Variants in TTBK2 observed in about 807,000 individuals in gnomAD.
The protein encoded by TTBK2 is tau-tubulin kinase 2.
Under a neutral mutation model 110.8 loss-of-function variants are expected in TTBK2, and 28 were observed. The ratio of observed to expected loss-of-function variants is 0.25; its 90% CI spans 0.19 to 0.35. The LOEUF is 0.35. TTBK2 is among the 10% of genes least tolerant of loss of function. The pLI is 1.00. For synonymous variants in TTBK2, 532 were observed against 527.3 expected (o/e 1.01, Z -0.12); for missense variants, 1,369 against 1,500.3 (o/e 0.91, Z 1.45).
intron 7 of TTBK2, among the ~76,000 whole-genome samples, chr15:42,816,081 A>ATATATATATATAT: frequency 1.7e-5 from 1 of 60,292 alleles, no homozygotes; most frequent in Middle Eastern, 7.0e-3. Context: ...AAAATAAATA[A>ATATATATATATAT]ATAAATATAT....
intron 13 of TTBK2, among the ~76,000 whole-genome samples, chr15:42,767,586 C>A (rs1889442586): frequency 1.3e-5 from 2 of 152,140 alleles, no homozygotes; most frequent in Admixed American, 6.5e-5. Flanking sequence ...TCTGAGTAGA[C>A]CAATAACAGG....
At chr15:42,798,045 A>G (rs1479360993) in intron 9 of TTBK2, among the ~76,000 whole-genome samples, 1 of 151,978 alleles carries the variant, frequency 6.6e-6, no homozygotes, top group Non-Finnish European at 1.5e-5. Context: ...CACCATGCCC[A>G]GCTAATTTTT....
intron 3 of TTBK2, among the ~76,000 whole-genome samples, chr15:42,868,205 T>C (rs55805543): frequency 0.14 from 20,781 of 152,138 alleles, 1,533 homozygotes; most frequent in African/African-American, 0.19. Context: ...CAACTTACAA[T>C]TTTTCAACTT....
At chr15:42,780,889 G>A (rs1192296142) in intron 11 of TTBK2, among the ~76,000 whole-genome samples, 2 of 152,052 alleles carry the variant, frequency 1.3e-5, no homozygotes, top group Non-Finnish European at 2.9e-5. Flanking sequence ...ACTTGAACCC[G>A]GGAGGCAGAG....
At chr15:42,828,337 A>C (rs1263871595) in intron 5 of TTBK2, among the ~76,000 whole-genome samples, 1 of 151,900 alleles carries the variant, frequency 6.6e-6, no homozygotes, top group East Asian at 1.9e-4. Flanking sequence ...TAATGCTTAA[A>C]TGACAGCCCA....
rs759406457 is a variant in TTBK2 at position 42,827,922 on chromosome 15, T to C, written c.537+6A>G. On this transcript the variant is annotated splice_donor_region_variant and intron_variant, in intron 6 of 14. Coordinates refer to ENST00000267890, the MANE Select transcript of TTBK2 (RefSeq NM_173500.4). ...AAATATTTGATAATAATATGAAAAA[T>C]CTTACTGGTCTGACGTCACCACAGG... is the stretch of plus-strand genomic sequence containing the variant. The C allele has an allele frequency of 1.9e-6, 3 of 1,609,466 alleles. No homozygotes were observed. The highest frequency in any genetic ancestry group is 1.1e-5 in the South Asian group (1 of 90,688).
At chr15:42,830,674 A>G (rs1221408349) in intron 4 of TTBK2, among the ~76,000 whole-genome samples, 1 of 151,374 alleles carries the variant, frequency 6.6e-6, no homozygotes, top group African/African-American at 2.4e-5. Flanking sequence ...AATCAAATAT[A>G]TAATTTATAT....
chr15:42,873,491 C>A (rs1456874945), intron 2 of TTBK2, among the ~76,000 whole-genome samples: 1 of 151,960 alleles, frequency 6.6e-6, no homozygotes. Flanking sequence ...CCACCACTTA[C>A]CATTCTCTCT....
intron 9 of TTBK2, chr15:42,802,306 C>T (rs1361224656): frequency 1.3e-6 from 1 of 782,946 alleles, no homozygotes; most frequent in East Asian, 2.4e-5. Context: ...GCTCGAGGAG[C>T]TGATGCAGGC....
intron 14 of TTBK2, among the ~76,000 whole-genome samples, chr15:42,751,513 GATC>G (rs948263984): frequency 3.9e-5 from 6 of 152,336 alleles, no homozygotes; most frequent in African/African-American, 1.4e-4. Flanking sequence ...AAGGCAGGTG[GATC>G]ACTTGGGGCC....
intron 13 of TTBK2, among the ~76,000 whole-genome samples, chr15:42,772,919 AAACAAC>A (rs554385514): frequency 1.3e-5 from 2 of 151,914 alleles, no homozygotes; most frequent in East Asian, 1.9e-4. Flanking sequence ...TGTCTCTACA[AAACAAC>A]AACAACAACA....
At chr15:42,862,478 C>T (rs1224495880) in intron 3 of TTBK2, among the ~76,000 whole-genome samples, 1 of 152,070 alleles carries the variant, frequency 6.6e-6, no homozygotes, top group East Asian at 1.9e-4. Context: ...GAATTAAAAA[C>T]AAAAACCATA....
At chr15:42,760,864 A>C (rs2062015993) in intron 13 of TTBK2, among the ~76,000 whole-genome samples, 1 of 152,208 alleles carries the variant, frequency 6.6e-6, no homozygotes, top group South Asian at 2.1e-4. Flanking sequence ...TATCTAAAGC[A>C]ATCCTAAGCA....
chr15:42,801,497 TCA>T, intron 9 of TTBK2: 2 of 775,666 alleles, frequency 2.6e-6, no homozygotes, highest in Admixed American at 3.4e-5. Flanking sequence ...CTAGGAGATC[TCA>T]GTCTTTGCAC....
At chr15:42,878,261 C>A (rs1185612408) in intron 2 of TTBK2, among the ~76,000 whole-genome samples, 1 of 151,470 alleles carries the variant, frequency 6.6e-6, no homozygotes, top group Admixed American at 6.6e-5. Context: ...GGATTATAGG[C>A]GAGAGCCACT....
At chr15:42,858,393 A>G (rs1015616237) in intron 3 of TTBK2, among the ~76,000 whole-genome samples, 1 of 152,210 alleles carries the variant, frequency 6.6e-6, no homozygotes, top group Non-Finnish European at 1.5e-5. Flanking sequence ...AAACGTGGGG[A>G]AAAAATGTTG....
chr15:42,746,160 T>C lies in TTBK2; in HGVS notation c.3370A>G (p.Ser1124Gly). ...ILQNGSQKPR[S>G]TTQCKSPGSP... is the part of the protein sequence containing the mutation. ...CCTGGACTCTTGCACTGAGTAGTGC[T>C]CCGGGGTTTCTGAGATCCATTTTGA... Residue 1124 changes from serine to glycine, a missense_variant, in exon 15 of 15, where the codon AGC (serine) becomes GGC (glycine). Coordinates refer to ENST00000267890, the MANE Select transcript of TTBK2 (RefSeq NM_173500.4). 6.2e-7 allele frequency: 1 copy of C among 1,614,140 alleles called. No individual in the cohort carries two copies. The highest frequency in any genetic ancestry group is 8.5e-7 in the Non-Finnish European group (1 of 1,180,016).
At position 42,752,800 on chromosome 15, in the gene TTBK2, G is replaced by A. The variant is rs377247038; in HGVS notation, c.2446C>T (p.His816Tyr). 6.2e-7 allele frequency: 1 copy of A among 1,614,018 alleles called. No individual in the cohort carries two copies. The highest frequency in any genetic ancestry group is 8.5e-7 in the Non-Finnish European group (1 of 1,180,028). ...TCAAGAGGTTCAGTAGTAGCTGAGT[G>A]ATCCTTTTCCACAATTACCAAATCT... The part of the protein sequence containing the change: ...PGDLVIVEKD[H>Y]SATTEPLDVT... The change falls in exon 14 of 15, where the codon CAC becomes TAC. Residue 816 changes from histidine to tyrosine, a missense_variant. Transcript: ENST00000267890.
At chr15:42,800,831 A>C (rs1428072244) in intron 9 of TTBK2, 1 of 565,352 alleles carries the variant, frequency 1.8e-6, no homozygotes, top group Admixed American at 3.2e-5. Context: ...CCCAGGTAGT[A>C]AACTCCCTCG....
Sources: gnomAD v4.1 joint callset for allele counts (sites outside exome capture counted in the v4.1 genomes callset) on GRCh38, gnomAD v4.1.1 for gene constraint, MANE v1.5 for transcripts, NCBI Gene and HGNC (gene_info 2026-07-23, HGNC 2026-07-21) for gene names.